The following LIPA variants were observed in gnomAD, a reference collection of about 807,000 sequenced individuals.
The protein encoded by LIPA is lysosomal acid lipase/cholesteryl ester hydrolase.
In LIPA, 26 loss-of-function variants were observed where a neutral mutation model predicts 40.6. That is an observed-to-expected ratio of 0.64 (90% CI 0.47 to 0.89). The LOEUF is 0.89. Ranked by LOEUF, LIPA falls within the 40% of genes least tolerant of loss-of-function variation. The probability of loss-of-function intolerance (pLI) is 0.00; values close to 1 mark genes in which losing one functional copy is unlikely to be tolerated. For synonymous variants in LIPA, 188 were observed against 168.4 expected (o/e 1.12, Z -0.90); for missense variants, 455 against 479.6 (o/e 0.95, Z 0.48).
intron 1 of LIPA, among the ~76,000 whole-genome samples, chr10:89,257,653 C>A (rs1371371402): frequency 6.6e-6 from 1 of 152,162 alleles, no homozygotes; most frequent in Non-Finnish European, 1.5e-5. Context: ...ATTGCCTGGA[C>A]AGATTTTCCA....
chr10:89,395,035 C>T (rs1413424635), intron 2 of LIPA, among the ~76,000 whole-genome samples: 2 of 152,138 alleles, frequency 1.3e-5, no homozygotes, highest in Non-Finnish European at 2.9e-5. Context: ...AGGGCTCAGT[C>T]ACCCTTGAGA....
chr10:89,314,075 A>AT (rs1340074434), intron 1 of LIPA, among the ~76,000 whole-genome samples: 1 of 151,964 alleles, frequency 6.6e-6, no homozygotes, highest in Non-Finnish European at 1.5e-5. Flanking sequence ...AATAAAGAAA[A>AT]TTTTTCTTTT....
At chr10:89,218,415 G>A (rs1284974595) in intron 8 of LIPA, among the ~76,000 whole-genome samples, 1 of 152,174 alleles carries the variant, frequency 6.6e-6, no homozygotes, top group African/African-American at 2.4e-5. Context: ...TTTAGTTACT[G>A]ACCCGGAAAG....
At position 89,358,729 on chromosome 10, in the gene LIPA, T is replaced by A. The variant is rs565847313; in HGVS notation, c.61+54062A>T. Among the ~76,000 whole-genome samples the A allele has an allele frequency of 1.2e-4, 18 of 152,186 alleles. 1 individual carries two copies. In the South Asian group the frequency reaches 3.7e-3, roughly 32 times the overall value. ...ATGCGGGAACTAAGAACAAAGTGGA[T>A]CTCATGGACATAGAGAGTGGAATGT... On this transcript the variant is annotated intron_variant, in intron 2 of 8. Coordinates refer to the LIPA transcript ENST00000371837.
chr10:89,282,042 C>G (rs972105405), intron 1 of LIPA, among the ~76,000 whole-genome samples: 18 of 152,172 alleles, frequency 1.2e-4, no homozygotes, highest in African/African-American at 4.1e-4. Context: ...AGTTAATCAA[C>G]TTTACTCTTC....
At chr10:89,244,765 G>GTA (rs1240613410) in intron 3 of LIPA, among the ~76,000 whole-genome samples, 2 of 151,934 alleles carry the variant, frequency 1.3e-5, no homozygotes, top group African/African-American at 4.8e-5. Flanking sequence ...ACATATATAT[G>GTA]TATATATATA....
At chr10:89,258,384 A>T (rs919411423) in intron 1 of LIPA, among the ~76,000 whole-genome samples, 5 of 152,238 alleles carry the variant, frequency 3.3e-5, no homozygotes, top group African/African-American at 9.6e-5. Flanking sequence ...AAGATTGTTT[A>T]AATACAACAC....
At chr10:89,315,843 T>C (rs766722925) in intron 1 of LIPA, among the ~76,000 whole-genome samples, 4 of 152,116 alleles carry the variant, frequency 2.6e-5, no homozygotes, top group Non-Finnish European at 5.9e-5. Context: ...ACTAGTAAAG[T>C]AAACAGAGAT....
chr10:89,407,257 C>T lies in LIPA; in HGVS notation c.61+5534G>A, dbSNP rs550696447. Among the ~76,000 whole-genome samples the T allele has an allele frequency of 1.1e-4, 17 of 152,282 alleles. No homozygotes were observed. In the East Asian group the frequency reaches 2.9e-3, roughly 26 times the overall value. ...ACCTATCTATTCTATCTACCCTAAC[C>T]CTTGCCTCCTGGGTCCTAATGCCTG... is the stretch of plus-strand genomic sequence containing the variant. On this transcript the variant is annotated intron_variant, in intron 2 of 8. Transcript: ENST00000371837.
At chr10:89,390,086 A>G (rs1844235354) in intron 2 of LIPA, among the ~76,000 whole-genome samples, 1 of 149,214 alleles carries the variant, frequency 6.7e-6, no homozygotes. Context: ...TCCCGGGTTC[A>G]AGCGATTCTC....
At chr10:89,225,847 T>C (rs1842762851) in intron 5 of LIPA, among the ~76,000 whole-genome samples, 2 of 152,122 alleles carry the variant, frequency 1.3e-5, no homozygotes, top group African/African-American at 4.8e-5. Flanking sequence ...GTAAGTCTCT[T>C]GAGATTTGAT....
intron 1 of LIPA, chr10:89,302,265 T>G: frequency 2.2e-6 from 2 of 893,790 alleles, no homozygotes; most frequent in South Asian, 2.9e-5. Flanking sequence ...CTACCTCTGT[T>G]GGTTGTAAAT....
At chr10:89,239,551 G>A (rs1842942044) in intron 3 of LIPA, among the ~76,000 whole-genome samples, 1 of 152,200 alleles carries the variant, frequency 6.6e-6, no homozygotes. Context: ...TGGGGAGCAG[G>A]TGACCTGCAG....
chr10:89,379,925 C>G (rs1430097139), intron 2 of LIPA, among the ~76,000 whole-genome samples: 1 of 151,928 alleles, frequency 6.6e-6, no homozygotes, highest in Non-Finnish European at 1.5e-5. Context: ...GTCCCAGCTA[C>G]TCAGGAGGCT....
chr10:89,267,816 G>A (rs892481162), intron 1 of LIPA, among the ~76,000 whole-genome samples: 3 of 151,376 alleles, frequency 2.0e-5, no homozygotes, highest in African/African-American at 7.3e-5. Flanking sequence ...ATCTCCTGCA[G>A]GTGCCGCCTG....
intron 2 of LIPA, chr10:89,402,676 A>G (rs772862288): frequency 5.0e-6 from 8 of 1,614,086 alleles, no homozygotes; most frequent in Middle Eastern, 1.6e-4. Context: ...CCCTTCCGCT[A>G]TAGAATGGAG....
chr10:89,411,794 C>G (rs1263866453), intron 2 of LIPA, among the ~76,000 whole-genome samples: 3 of 152,146 alleles, frequency 2.0e-5, no homozygotes, highest in Non-Finnish European at 4.4e-5. Context: ...GAGATGCCAC[C>G]CGGTGTTTAC....
chr10:89,400,049 T>C (rs986903631), intron 2 of LIPA, among the ~76,000 whole-genome samples: 2 of 152,186 alleles, frequency 1.3e-5, no homozygotes, highest in Non-Finnish European at 2.9e-5. Context: ...CTCTGTTATA[T>C]TGAGTTATGA....
At chr10:89,248,731 C>T (rs914632285) in intron 1 of LIPA, among the ~76,000 whole-genome samples, 2 of 151,440 alleles carry the variant, frequency 1.3e-5, no homozygotes, top group African/African-American at 4.9e-5. Flanking sequence ...GATCACGCCT[C>T]GGCCTCCCAA....
Sources: gnomAD v4.1 joint callset for allele counts (sites outside exome capture counted in the v4.1 genomes callset) on GRCh38, gnomAD v4.1.1 for gene constraint, MANE v1.5 for transcripts, NCBI Gene and HGNC (gene_info 2026-07-23, HGNC 2026-07-21) for gene names.